Variants in COL6A3 observed in about 807,000 individuals in gnomAD.
The protein encoded by COL6A3 is collagen alpha-3(VI) chain.
Under a neutral mutation model 274.1 loss-of-function variants are expected in COL6A3, and 137 were observed. The observed-to-expected ratio is 0.50, with a 90% CI of 0.44 to 0.58. The LOEUF is 0.58. Among genes scored for constraint, COL6A3 ranks in the 20% least tolerant of loss-of-function variants. The probability of loss-of-function intolerance (pLI) is 0.00; values close to 1 mark genes in which losing one functional copy is unlikely to be tolerated. For missense variants in COL6A3, 3,950 were observed against 4,124.9 expected, an observed-to-expected ratio of 0.96 and a Z score of 1.16; for synonymous variants, 1,650 against 1,650.6, an observed-to-expected ratio of 1.00 and a Z score of 0.01.
Position 237,363,293 on chromosome 2 carries a change from A to C in COL6A3, c.6023T>G (p.Leu2008Arg), listed in dbSNP as rs369341191. Residue 2008 changes from leucine to arginine, a missense_variant, in exon 14 of 44, where the codon CTT becomes CGT. Around this residue, in one of 5 missense-constraint regions of COL6A3, gnomAD observed 632 missense variants for 623.4 expected, o/e 1.01. Transcript: ENST00000295550. ...RGFMYDRPLR[L>R]NLLDLDYELA... ...TTCATAATCCAAGTCCAGCAAGTTA[A>C]GCCTCAGGGGCCTGTCATACATAAA... The C allele has an allele frequency of 1.9e-6, 3 of 1,614,058 alleles. No homozygotes were observed. Among genetic ancestry groups the C allele is most frequent in the Non-Finnish European group, 2.5e-6 (3 of 1,180,052 alleles).
At chr2:237,406,908 T>A (rs1016028926) in intron 1 of COL6A3, among the ~76,000 whole-genome samples, 1 of 96,584 alleles carries the variant, frequency 1.0e-5, no homozygotes, top group East Asian at 2.5e-4. Flanking sequence ...CTTTTTTCCC[T>A]TTTTTTTTTT....
In COL6A3 at chr2:237,361,829, G is replaced by A. The variant is rs886044237; in HGVS notation, c.6066C>T (p.Asp2022=). 6.2e-7 allele frequency: 1 copy of A among 1,613,980 alleles called. No individual in the cohort carries two copies. Among genetic ancestry groups the A allele is most frequent in the Non-Finnish European group, 8.5e-7 (1 of 1,179,862 alleles). ...CACAGCAAGCTTTCTCGGCAATGTT[G>A]TCCTACCGAAAGGAAGAGAAACCAA... is the stretch of plus-strand genomic sequence containing the variant. ...DLDYELAEQL[D]NIAEKACCGV... The change falls in exon 15 of 44, where the codon GAC becomes GAT. Residue 2022 remains aspartate (D), a splice_region_variant and synonymous_variant. Coordinates refer to ENST00000295550, the MANE Select transcript of COL6A3 (RefSeq NM_004369.4). The surrounding 1 kb of genome is among the most constrained non-coding windows in gnomAD (Gnocchi z 5.1).
intron 3 of COL6A3, 49 bp downstream of exon 3, chr2:237,394,538 T>C (rs766499169): frequency 3.7e-6 from 6 of 1,612,442 alleles, no homozygotes; most frequent in South Asian, 1.1e-5. Context: ...GCCAAGCTCA[T>C]CTCCCAAGAA....
At position 237,379,185 on chromosome 2, in the gene COL6A3, C is replaced by T. The variant is rs149187225; in HGVS notation, c.1948G>A (p.Val650Ile). Residue 650 changes from valine (V) to isoleucine (I), a missense_variant, in exon 6 of 44, where the codon GTT (valine) becomes ATT (isoleucine). Val to Ile is a conservative substitution (Grantham distance 29). This residue lies in a region of COL6A3 where 1,934 missense variants were observed against 1,984.3 expected (regional missense o/e 0.97). Transcript: ENST00000295550. Reference protein sequence around the residue: ...IIFLLDGSANVGKTNFPYVRD... With the variant: ...IIFLLDGSANIGKTNFPYVRD... ...ACATAAGGGAAATTGGTTTTTCCAA[C>T]GTTGGCTGATCCATCCAAAAGAAAG... 75 of 1,614,018 alleles carry T rather than the reference C, an allele frequency of 4.6e-5. No homozygotes were observed. The highest frequency in any genetic ancestry group is 5.8e-5 in the Non-Finnish European group (68 of 1,180,022).
intron 23 of COL6A3, 92 bp from the exon 24 acceptor site, chr2:237,355,026 T>G (rs2077288903): frequency 8.3e-7 from 1 of 1,211,858 alleles, no homozygotes; most frequent in Non-Finnish European, 1.2e-6. Flanking sequence ...CCTCTTATTC[T>G]GCGGTTACTC....
In COL6A3 at chr2:237,397,082, C is replaced by T. The variant is rs56105400; in HGVS notation, c.-30-235G>A. Among the ~76,000 whole-genome samples, 51,941 of 147,276 alleles carry T rather than the reference C, an allele frequency of 0.35. 10,343 individuals carry two copies. The highest frequency in any genetic ancestry group is 0.56 in the African/African-American group (22,145 of 39,726). ...AAAAATCTATACAGATACATACATG[C>T]GCACATATATGCATATATAAAAGGA... On this transcript the variant is annotated intron_variant, in intron 1 of 43. Transcript: ENST00000295550.
At chr2:237,372,470 G>T in intron 8 of COL6A3, 133 bp from the exon 9 acceptor site, 1 of 1,541,116 alleles carries the variant, frequency 6.5e-7, no homozygotes, top group South Asian at 1.1e-5. Context: ...AAAAGTCCAA[G>T]AAGTGGGAGT....
Position 237,345,202 on chromosome 2 carries a change from G to T in COL6A3, c.7104C>A (p.Gly2368=). The T allele has an allele frequency of 6.2e-7, 1 of 1,614,138 alleles. No individual in the cohort carries two copies. The highest frequency in any genetic ancestry group is 8.5e-7 in the Non-Finnish European group (1 of 1,180,022). The change falls in exon 33 of 44, where the codon GGC becomes GGA. Residue 2368 remains glycine (G), a synonymous_variant. Coordinates refer to ENST00000295550, the MANE Select transcript of COL6A3 (RefSeq NM_004369.4). ...TTACATCGATGGAGTCGCCCCTGTT[G>T]CCCTTGGGACCCTGTAAAACCAAGG... ...PGYPGPAGPK[G]NRGDSIDQCA...
chr2:237,373,115 G>A (rs980711100), intron 8 of COL6A3, among the ~76,000 whole-genome samples: 2 of 152,126 alleles, frequency 1.3e-5, no homozygotes, highest in Admixed American at 6.5e-5. Context: ...AGAAGCCTCC[G>A]AATGGGGAGA....
rs34741387 is a variant in COL6A3, at chr2:237,381,199, G to A, written c.1613C>T (p.Thr538Met). ...GGCAGCCCGGTAGCCGGCTGAACTC[G>A]TGAATAGGTTGTTACGAACAAAGTC... ...ALDFVRNNLF[T>M]SSAGYRAAEG... is the part of the protein sequence containing the mutation. The change falls in exon 5 of 44, where the codon ACG becomes ATG. Residue 538 changes from threonine (T) to methionine (M), a missense_variant. Transcript: ENST00000295550. The A allele has an allele frequency of 1.4e-3, 2,330 of 1,614,246 alleles. 31 individuals carry two copies. The African/African-American group carries it at 0.028, about 19-fold the overall frequency.
chr2:237,361,796 G>T lies in COL6A3; in HGVS notation c.6099C>A (p.Pro2033=). 6.2e-7 allele frequency: 1 copy of T among 1,614,212 alleles called. No individual in the cohort carries two copies. The highest frequency in any genetic ancestry group is 8.5e-7 in the Non-Finnish European group (1 of 1,180,036). Residue 2033 remains proline (P), a synonymous_variant, in exon 15 of 44, where the codon CCC becomes CCA. Coordinates refer to ENST00000295550, the MANE Select transcript of COL6A3 (RefSeq NM_004369.4). The surrounding 1 kb of genome is among the most constrained non-coding windows in gnomAD (Gnocchi z 5.1). ...CTCCCCTCTGCCCAGAGCACTTGCA[G>T]GGAACCCCACAGCAAGCTTTCTCGG... The part of the protein sequence containing the change: ...NIAEKACCGV[P]CKCSGQRGDR...
intron 39 of COL6A3, among the ~76,000 whole-genome samples, chr2:237,337,101 T>C (rs910279437): frequency 6.6e-6 from 1 of 152,180 alleles, no homozygotes; most frequent in African/African-American, 2.4e-5. Flanking sequence ...CTAGAGAGAA[T>C]AGCAGCCTAA....
chr2:237,373,892 T>C (rs1243695238), intron 8 of COL6A3, among the ~76,000 whole-genome samples: 1 of 152,216 alleles, frequency 6.6e-6, no homozygotes, highest in Non-Finnish European at 1.5e-5. Context: ...CAGGTGGCCT[T>C]CCTGCCAGTT....
In COL6A3 at chr2:237,374,733, G is replaced by A; in HGVS notation, c.3358C>T (p.Leu1120=). Residue 1120 remains leucine, a synonymous_variant, in exon 8 of 44, where the codon CTG becomes TTG. Transcript: ENST00000295550. This position sits in a 1 kb window ranked among gnomAD's most constrained non-coding sequence, Gnocchi z 4.8. The part of the protein sequence containing the change: ...AALEFVLRNI[L]VSSAGSRITE... Reference sequence around the variant, plus strand: ...ATCCTGCTTCCCGCAGAGCTGACCAGGATGTTCCTCAGGACAAACTCCAGG... The same window carrying A: ...ATCCTGCTTCCCGCAGAGCTGACCAAGATGTTCCTCAGGACAAACTCCAGG... 6.2e-7 allele frequency: 1 copy of A among 1,613,480 alleles called. No homozygotes were observed. Among genetic ancestry groups the A allele is most frequent in the Non-Finnish European group, 8.5e-7 (1 of 1,179,538 alleles).
chr2:237,387,507 AC>A, intron 4 of COL6A3, 74 bp downstream of exon 4: 2 of 1,608,938 alleles, frequency 1.2e-6, no homozygotes, highest in East Asian at 4.5e-5. Context: ...TCATGCTGGT[AC>A]CCACCTTACG....
chr2:237,374,719 C>A lies in COL6A3; in HGVS notation c.3372G>T (p.Ala1124=), dbSNP rs772443564. Residue 1124 remains alanine, a synonymous_variant, in exon 8 of 44, where the codon GCG becomes GCT. Coordinates refer to ENST00000295550, the MANE Select transcript of COL6A3 (RefSeq NM_004369.4). This position sits in a 1 kb window ranked among gnomAD's most constrained non-coding sequence, Gnocchi z 4.8. ...FVLRNILVSS[A]GSRITEGVPQ... is the part of the protein sequence containing the mutation. ...GCACACCTTCTGTTATCCTGCTTCC[C>A]GCAGAGCTGACCAGGATGTTCCTCA... 1.9e-6 allele frequency: 3 copies of A among 1,613,254 alleles called. No individual in the cohort carries two copies. In the African/African-American group the frequency reaches 4.0e-5, roughly 22 times the overall value.
Position 237,352,584 on chromosome 2 carries a change from C to G in COL6A3, c.6691G>C (p.Gly2231Arg), listed in dbSNP as rs751925652. The change falls in exon 26 of 44, where the codon GGC (glycine) becomes CGC (arginine). Residue 2231 changes from glycine (G) to arginine (R), a missense_variant and splice_region_variant. Gly to Arg is a moderately radical substitution (Grantham distance 125). Around this residue, in one of 5 missense-constraint regions of COL6A3, gnomAD observed 1,284 missense variants for 1,349.7 expected, o/e 0.95. Transcript: ENST00000295550. ...EGEQGTRGAQ[G>R]PAGPAGPPGL... ...GGAGGACCAGCAGGACCAGCTGGGC[C>G]CTGAGGAAGGAAAAGACCATCGTGA... The G allele has an allele frequency of 1.2e-6, 2 of 1,613,256 alleles. No individual in the cohort carries two copies. The highest frequency in any genetic ancestry group is 1.7e-6 in the Non-Finnish European group (2 of 1,179,720).
rs377679398 is a variant in COL6A3 at position 237,341,013 on chromosome 2, A to G, written c.7903T>C (p.Phe2635Leu). 2 of 1,614,126 alleles carry G rather than the reference A, an allele frequency of 1.2e-6. No homozygotes were observed. ...GCTATGTACTTCTTCATCTCATTGA[A>G]CTGGAACAGGGTGGTGGTCTCAGCG... ...DSAETTTLFQ[F>L]NEMKKYIAYL... is the part of the protein sequence containing the mutation. The change falls in exon 38 of 44, where the codon TTC becomes CTC. Residue 2635 changes from phenylalanine to leucine, a missense_variant. Phe to Leu is a conservative substitution (Grantham distance 22). Coordinates refer to ENST00000295550, the MANE Select transcript of COL6A3 (RefSeq NM_004369.4).
intron 13 of COL6A3, among the ~76,000 whole-genome samples, chr2:237,363,964 G>A (rs965671754): frequency 9.9e-5 from 15 of 152,214 alleles, no homozygotes; most frequent in African/African-American, 2.7e-4. Context: ...TGGGTGTAGT[G>A]TTATTAAATG....
Sources: gnomAD v4.1 joint callset for allele counts (sites outside exome capture counted in the v4.1 genomes callset) on GRCh38, gnomAD v4.1.1 for gene constraint, gnomAD v4.1.1 regional missense constraint, Gnocchi (gnomAD v3.1) non-coding constraint, MANE v1.5 for transcripts, NCBI Gene and HGNC (gene_info 2026-07-23, HGNC 2026-07-21) for gene names.